MYO1F: variants seen among roughly 807,000 people sequenced by gnomAD.
The protein encoded by MYO1F is unconventional myosin-If.
A neutral mutation model predicts 146.6 loss-of-function variants in MYO1F; 60 were observed. The observed-to-expected ratio is 0.41, with a 90% CI of 0.33 to 0.51. The LOEUF (loss-of-function observed/expected upper bound fraction) is 0.51. Ranked by LOEUF, MYO1F falls within the 20% of genes least tolerant of loss-of-function variation. The probability of loss-of-function intolerance (pLI) is 0.25; values close to 1 mark genes in which losing one functional copy is unlikely to be tolerated. For synonymous variants in MYO1F, 602 were observed against 602.1 expected (o/e 1.00, Z 0.00); for missense variants, 1,274 against 1,534.3 (o/e 0.83, Z 2.83).
At position 8,554,738 on chromosome 19, in the gene MYO1F, G is replaced by A. The variant is rs1453421191; in HGVS notation, c.147C>T (p.Tyr49=). The change falls in exon 3 of 28, where the codon TAC becomes TAT. Residue 49 remains tyrosine (Y), a synonymous_variant. Coordinates refer to ENST00000644032, the MANE Select transcript of MYO1F (RefSeq NM_012335.4). ...KRFMDDYIFT[Y]IGSVLISVNP... is the part of the protein sequence containing the mutation. ...TTACAGAGATGAGCACAGAGCCGAT[G>A]TAGGTCTGAGGGATGGTTAAGGGTC... 1.2e-6 allele frequency: 2 copies of A among 1,613,876 alleles called. No homozygotes were observed.
chr19:8,575,756 C>A (rs1433507091), intron 1 of MYO1F, among the ~76,000 whole-genome samples: 1 of 152,134 alleles, frequency 6.6e-6, no homozygotes, highest in Non-Finnish European at 1.5e-5. Context: ...ATACGGGTGG[C>A]CCCTCCCAGA....
At chr19:8,536,896 G>T in intron 17 of MYO1F, 53 bp downstream of exon 17, 1 of 1,222,964 alleles carries the variant, frequency 8.2e-7, no homozygotes, top group Non-Finnish European at 1.1e-6. Flanking sequence ...CAGTTCTAGG[G>T]GTAACTGCAG....
At chr19:8,546,648 T>C (rs934860775) in intron 12 of MYO1F, among the ~76,000 whole-genome samples, 6 of 151,966 alleles carry the variant, frequency 3.9e-5, no homozygotes, top group African/African-American at 1.4e-4. Context: ...GTGTGAGTGA[T>C]TGTGTCTGGC....
At chr19:8,526,346 A>C in intron 24 of MYO1F, 107 bp downstream of exon 24, 2 of 1,450,766 alleles carry the variant, frequency 1.4e-6, no homozygotes, top group Non-Finnish European at 1.9e-6. Flanking sequence ...ACAAAACTCA[A>C]AAGTCTCTCT....
chr19:8,555,667 A>G lies in MYO1F; in HGVS notation c.133T>C (p.Tyr45His). The change falls in exon 2 of 28, where the codon TAC (tyrosine) becomes CAC (histidine). Residue 45 changes from tyrosine (Y) to histidine (H), a missense_variant. Tyr to His is a moderately conservative substitution (Grantham distance 83). Transcript: ENST00000644032. ...ANLRKRFMDD[Y>H]IFTYIGSVLI... ...GCCTTGGCCCAGGGTACGAAGATGTAGTCGTCCATGAAGCGCTTCCGGAGG... is the reference window on the plus strand; with the variant it reads ...GCCTTGGCCCAGGGTACGAAGATGTGGTCGTCCATGAAGCGCTTCCGGAGG... 6.2e-7 allele frequency: 1 copy of G among 1,614,048 alleles called. No homozygotes were observed. The highest frequency in any genetic ancestry group is 2.2e-5 in the East Asian group (1 of 44,866).
At chr19:8,564,993 G>A (rs1287243506) in intron 1 of MYO1F, among the ~76,000 whole-genome samples, 5 of 151,806 alleles carry the variant, frequency 3.3e-5, no homozygotes, top group African/African-American at 1.2e-4. Context: ...CGCTCATCTC[G>A]AACTCCCAAC....
intron 4 of MYO1F, among the ~76,000 whole-genome samples, chr19:8,553,894 A>ACACACACACACTCTCTCTCTCTCTCTCT: frequency 1.9e-5 from 2 of 102,602 alleles, no homozygotes; most frequent in African/African-American, 4.2e-5. Context: ...ACACACACAC[A>ACACACACACACTCTCTCTCTCTCTCTCT]CTCTCTCTCT....
intron 1 of MYO1F, among the ~76,000 whole-genome samples, chr19:8,556,406 T>G (rs1470173123): frequency 1.4e-5 from 2 of 143,488 alleles, no homozygotes; most frequent in Non-Finnish European, 3.1e-5. Context: ...CTTCGGGAGG[T>G]TGAGGCAGGA....
Position 8,561,841 on chromosome 19 carries a change from C to T in MYO1F, c.4-6045G>A, listed in dbSNP as rs181596262. ...AAACGATTCTTCTGCCTCAGCCTCC[C>T]GGGCAGCTGGGACTATAGGCGCGCA... is the stretch of plus-strand genomic sequence containing the variant. On this transcript the variant is annotated intron_variant, in intron 1 of 27. Transcript: ENST00000644032. Among the ~76,000 whole-genome samples the T allele has an allele frequency of 1.9e-3, 284 of 151,564 alleles. 1 individual carries two copies. Among genetic ancestry groups the T allele is most frequent in the African/African-American group, 6.2e-3 (257 of 41,294 alleles).
At chr19:8,559,953 A>AC in intron 1 of MYO1F, among the ~76,000 whole-genome samples, 1 of 12,308 alleles carries the variant, frequency 8.1e-5, no homozygotes, top group East Asian at 2.1e-3. Flanking sequence ...TCCATCTCAG[A>AC]AAAAAAAAAA....
Position 8,577,119 on chromosome 19 carries a change from G to A in MYO1F, c.3+188C>T. On this transcript the variant is annotated intron_variant, in intron 1 of 27. Coordinates refer to ENST00000644032, the MANE Select transcript of MYO1F (RefSeq NM_012335.4). This position sits in a 1 kb window ranked among gnomAD's most constrained non-coding sequence, Gnocchi z 4.3. Reference sequence around the variant, plus strand: ...CACCCTGGCATCCCCACCACCTACAGATGGGAGCTTGCTCCCTGGTAAGGG... The same window carrying A: ...CACCCTGGCATCCCCACCACCTACAAATGGGAGCTTGCTCCCTGGTAAGGG... The A allele has an allele frequency of 1.4e-6, 1 of 703,084 alleles. No individual in the cohort carries two copies. The highest frequency in any genetic ancestry group is 1.6e-5 in the South Asian group (1 of 60,790). The allele number at this position is 703,084 out of a possible 1,614,324, so 43.6% of individuals were successfully genotyped here.
rs1188528607 is a variant in MYO1F, at chr19:8,553,428, A to G, written c.336T>C (p.Ser112=). The part of the protein sequence containing the change: ...ENQCVIISGE[S]GAGKTVAAKY... Reference sequence around the variant, plus strand: ...TGGCTGCCACTGTCTTCCCAGCTCCACTCTCTCCACTGGGGATGAATGGAG... The same window carrying G: ...TGGCTGCCACTGTCTTCCCAGCTCCGCTCTCTCCACTGGGGATGAATGGAG... The change falls in exon 5 of 28, where the codon AGT becomes AGC. Residue 112 remains serine (S), a synonymous_variant. Transcript: ENST00000644032. The G allele has an allele frequency of 6.2e-6, 10 of 1,613,544 alleles. No homozygotes were observed. Among genetic ancestry groups the G allele is most frequent in the Non-Finnish European group, 6.8e-6 (8 of 1,179,804 alleles).
At chr19:8,546,366 CTT>C (rs150811028) in intron 12 of MYO1F, among the ~76,000 whole-genome samples, 3 of 145,176 alleles carry the variant, frequency 2.1e-5, no homozygotes. Flanking sequence ...ACACAGCTTG[CTT>C]TTTTTTTTTG....
intron 1 of MYO1F, among the ~76,000 whole-genome samples, chr19:8,562,039 CTTTTGTTTTT>C (rs1974158272): frequency 7.0e-6 from 1 of 142,120 alleles, no homozygotes; most frequent in African/African-American, 2.6e-5. Flanking sequence ...CTTTTTTTTT[CTTTTGTTTTT>C]TTTGAGATGG....
chr19:8,555,526 G>T (rs191148523), intron 2 of MYO1F, 133 bp downstream of exon 2: 18,851 of 1,252,198 alleles, frequency 0.015, 149 homozygotes, highest in Middle Eastern at 0.024. Context: ...CTGTCACTCT[G>T]TCTGTCCTCT....
chr19:8,534,775 A>G (rs1203117076), intron 19 of MYO1F, among the ~76,000 whole-genome samples: 3 of 150,426 alleles, frequency 2.0e-5, no homozygotes, highest in African/African-American at 7.4e-5. Context: ...ACAGGTGCGC[A>G]CCACCACACT....
chr19:8,563,245 G>C (rs1167448207), intron 1 of MYO1F, among the ~76,000 whole-genome samples: 1 of 150,238 alleles, frequency 6.7e-6, no homozygotes, highest in Non-Finnish European at 1.5e-5. Context: ...CACCCGCCTC[G>C]GCCTCCCAAA....
intron 1 of MYO1F, among the ~76,000 whole-genome samples, chr19:8,562,425 G>C (rs536156539): frequency 1.7e-3 from 259 of 151,512 alleles, no homozygotes; most frequent in Non-Finnish European, 3.0e-3. Context: ...CTCCTGCCTT[G>C]ACCTCCTGAG....
rs757976654 is a variant in MYO1F, at chr19:8,526,478, C to A, written c.2745G>T (p.Val915=). ...KVGGRTLTVS[V]GDGLPKSSKP... is the part of the protein sequence containing the mutation. ...TGGAGCTCTTGGGCAGCCCATCGCC[C>A]ACGCTGACCGTGAGGGTCCGACCGC... The change falls in exon 24 of 28, where the codon GTG becomes GTT. Residue 915 remains valine, a synonymous_variant. Transcript: ENST00000644032. 1 of 1,563,908 alleles carries A rather than the reference C, an allele frequency of 6.4e-7. No homozygotes were observed. The highest frequency in any genetic ancestry group is 8.7e-7 in the Non-Finnish European group (1 of 1,154,212).
Sources: allele counts gnomAD v4.1 joint callset (sites outside exome capture counted in the v4.1 genomes callset), GRCh38; gene constraint gnomAD v4.1.1; non-coding constraint Gnocchi (gnomAD v3.1); transcripts MANE v1.5; gene names NCBI Gene and HGNC (gene_info 2026-07-23, HGNC 2026-07-21).